Variants in NSD3 observed in about 807,000 individuals in gnomAD.
NSD3 encodes histone-lysine N-methyltransferase NSD3.
In NSD3, 24 loss-of-function variants were observed where a neutral mutation model predicts 160.8. The ratio of observed to expected loss-of-function variants is 0.15; its 90% CI spans 0.11 to 0.21. The LOEUF (loss-of-function observed/expected upper bound fraction) is 0.21, where lower values mean the gene tolerates loss of function less well. Among genes scored for constraint, NSD3 ranks in the 10% least tolerant of loss-of-function variants. The pLI is 1.00. For synonymous variants in NSD3, 520 were observed against 600.0 expected (o/e 0.87, Z 1.95); for missense variants, 1,157 against 1,735.9 (o/e 0.67, Z 5.93).
chr8:38,365,527 C>T (rs1811085408), intron 1 of NSD3, among the ~76,000 whole-genome samples: 1 of 152,210 alleles, frequency 6.6e-6, no homozygotes, highest in African/African-American at 2.4e-5. Context: ...AGCTGGAGTA[C>T]ACTAGCACGA....
chr8:38,295,876 G>A lies in NSD3; in HGVS notation c.2835C>T (p.Gly945=), dbSNP rs1241851727. 6.2e-7 allele frequency: 1 copy of A among 1,614,080 alleles called. No homozygotes were observed. The highest frequency in any genetic ancestry group is 8.5e-7 in the Non-Finnish European group (1 of 1,180,012). The change falls in exon 16 of 24, where the codon GGC becomes GGT. Residue 945 remains glycine, a synonymous_variant. Coordinates refer to ENST00000317025, the MANE Select transcript of NSD3 (RefSeq NM_023034.2). The part of the protein sequence containing the change: ...PECLSIEMPE[G]CWNCNDCKAG... ...CTTTACAGTCATTACAATTCCAGCA[G>A]CCTTCTGGCATTTCTATGCTTAGGC...
At chr8:38,346,388 A>AATATATATTGTATATATGTATATATGT (rs1563363314) in intron 2 of NSD3, among the ~76,000 whole-genome samples, 1 of 147,564 alleles carries the variant, frequency 6.8e-6, no homozygotes, top group Non-Finnish European at 1.5e-5. Flanking sequence ...TGTATATATA[A>AATATATATTGTATATATGTATATATGT]ATATATATTG....
At chr8:38,304,284 G>C (rs971097100) in intron 14 of NSD3, among the ~76,000 whole-genome samples, 4 of 152,204 alleles carry the variant, frequency 2.6e-5, no homozygotes, top group African/African-American at 9.6e-5. Context: ...GAAGGGAAAA[G>C]ATTAATCTTT....
At position 38,316,335 on chromosome 8, in the gene NSD3, T is replaced by C. The variant is rs573882432; in HGVS notation, c.1856-293A>G. 14 of 1,081,498 alleles carry C rather than the reference T, an allele frequency of 1.3e-5. No individual in the cohort carries two copies. The highest frequency in any genetic ancestry group is 9.8e-5 in the African/African-American group (6 of 61,412). 67.0% of individuals were successfully genotyped at this position (1,081,498 alleles called of 1,614,324 possible). The stretch of plus-strand genomic sequence containing the variant: ...AACCTAAAAATCAATTCTATGAAAA[T>C]TGCAGGATAGCTGATGGATTTGGAG... On this transcript the variant is annotated intron_variant, in intron 9 of 23. Transcript: ENST00000317025. This position sits in a 1 kb window ranked among gnomAD's most constrained non-coding sequence, Gnocchi z 4.5.
At chr8:38,306,483 T>TA (rs1809396015) in intron 12 of NSD3, among the ~76,000 whole-genome samples, 3 of 151,086 alleles carry the variant, frequency 2.0e-5, no homozygotes, top group Non-Finnish European at 4.4e-5. Context: ...AGGAGGAAAA[T>TA]AATGCCAAAT....
At chr8:38,377,239 G>C (rs1200206690) in intron 1 of NSD3, among the ~76,000 whole-genome samples, 1 of 143,994 alleles carries the variant, frequency 6.9e-6, no homozygotes, top group Non-Finnish European at 1.6e-5. Context: ...TTTTAGTAGA[G>C]ACGGGAGTTT....
At chr8:38,292,184 C>A (rs1433163685) in intron 16 of NSD3, among the ~76,000 whole-genome samples, 1 of 152,160 alleles carries the variant, frequency 6.6e-6, no homozygotes, top group Non-Finnish European at 1.5e-5. Flanking sequence ...ACTGTGCACC[C>A]TTCTCCATGC....
chr8:38,376,003 TTAAA>T (rs1210113940), intron 1 of NSD3, among the ~76,000 whole-genome samples: 5 of 151,960 alleles, frequency 3.3e-5, no homozygotes, highest in African/African-American at 4.8e-5. Flanking sequence ...AAAAAAAAAA[TTAAA>T]TAAAGTAAGC....
chr8:38,378,917 T>G (rs984016742), intron 1 of NSD3, among the ~76,000 whole-genome samples: 1 of 151,904 alleles, frequency 6.6e-6, no homozygotes, highest in African/African-American at 2.4e-5. Context: ...TAGCACAGTG[T>G]GAGGACAACT....
intron 19 of NSD3, among the ~76,000 whole-genome samples, chr8:38,285,062 A>G (rs758215204): frequency 2.6e-5 from 4 of 152,232 alleles, no homozygotes; most frequent in African/African-American, 4.8e-5. Flanking sequence ...TCATTAACTT[A>G]AAAAATGCTA....
At chr8:38,296,751 A>G (rs926053435) in intron 15 of NSD3, among the ~76,000 whole-genome samples, 3 of 151,758 alleles carry the variant, frequency 2.0e-5, no homozygotes, top group African/African-American at 7.3e-5. Context: ...ATACATATAC[A>G]GAGAATATAT....
intron 4 of NSD3, among the ~76,000 whole-genome samples, chr8:38,331,787 C>T (rs569442537): frequency 6.6e-6 from 1 of 152,318 alleles, no homozygotes; most frequent in African/African-American, 2.4e-5. Context: ...TTGATTGCAC[C>T]ACTGCACTCC....
Position 38,289,484 on chromosome 8 carries a change from C to T in NSD3, c.3140G>A (p.Arg1047His). 1 of 1,613,356 alleles carries T rather than the reference C, an allele frequency of 6.2e-7. No homozygotes were observed. Residue 1047 changes from arginine to histidine, a missense_variant, in exon 18 of 24, where the codon CGT becomes CAT. By Grantham distance (29) the Arg-to-His change is conservative (BLOSUM62 0). Around this residue, in one of 10 missense-constraint regions of NSD3, gnomAD observed 437 missense variants for 576.6 expected, o/e 0.76. Transcript: ENST00000317025. ...TCTTTGTGCTTTCAATTCCTGGAAA[C>T]GTTTTGCAGCTTCTTCCAGTGCTGC... ...FKKALEEAAK[R>H]FQELKAQRES... is the part of the protein sequence containing the mutation.
At chr8:38,362,436 C>T (rs1810998994) in intron 1 of NSD3, among the ~76,000 whole-genome samples, 2 of 151,946 alleles carry the variant, frequency 1.3e-5, no homozygotes, top group African/African-American at 4.8e-5. Flanking sequence ...TAACGTCACT[C>T]AGAGGAAAAC....
intron 3 of NSD3, 152 bp downstream of exon 3, chr8:38,338,384 T>A: frequency 3.6e-6 from 2 of 548,494 alleles, no homozygotes; most frequent in Non-Finnish European, 6.5e-6. Flanking sequence ...TCACTGAAAA[T>A]ATCCACCTAT....
intron 1 of NSD3, among the ~76,000 whole-genome samples, chr8:38,356,039 C>T (rs1810815780): frequency 6.6e-6 from 1 of 152,206 alleles, no homozygotes; most frequent in Non-Finnish European, 1.5e-5. Flanking sequence ...AACCTCACTT[C>T]ACCCTTCTCC....
Position 38,376,296 on chromosome 8 carries a change from A to T in NSD3, c.-45+5503T>A, listed in dbSNP as rs1307792983. On this transcript the variant is annotated intron_variant, in intron 1 of 23. Transcript: ENST00000317025. ...AATATTTTATGCATATATGTTCACAACATGGTGAATAAAATATGAAAAAAT... is the reference window on the plus strand; with the variant it reads ...AATATTTTATGCATATATGTTCACATCATGGTGAATAAAATATGAAAAAAT... Among the ~76,000 whole-genome samples, 9 of 152,214 alleles carry T rather than the reference A, an allele frequency of 5.9e-5. No individual in the cohort carries two copies. In the East Asian group the frequency reaches 1.7e-3, roughly 29 times the overall value.
At chr8:38,343,531 C>CATCT (rs1810432288) in intron 2 of NSD3, among the ~76,000 whole-genome samples, 1 of 152,042 alleles carries the variant, frequency 6.6e-6, no homozygotes, top group African/African-American at 2.4e-5. Context: ...AATGAAACCC[C>CATCT]ATCTCTACTA....
rs1808483072 is a variant in NSD3 at position 38,271,540 on chromosome 8, T to G, written c.*4101A>C. The G allele has an allele frequency of 6.6e-6, 1 of 152,198 alleles. No homozygotes were observed. Among genetic ancestry groups the G allele is most frequent in the South Asian group, 2.1e-4 (1 of 4,832 alleles). 9.4% of individuals were successfully genotyped at this position (152,198 alleles called of 1,614,324 possible). The stretch of plus-strand genomic sequence containing the variant: ...AATTCATTGCAAAGCTGTCTAATTA[T>G]AGTATTCCCTAGTCCATCTGAAAAT... On this transcript the variant is annotated 3_prime_UTR_variant, in exon 24 of 24. Transcript: ENST00000317025.
Sources: allele counts gnomAD v4.1 joint callset (sites outside exome capture counted in the v4.1 genomes callset), GRCh38; gene constraint gnomAD v4.1.1; regional missense constraint gnomAD v4.1.1; non-coding constraint Gnocchi (gnomAD v3.1); transcripts MANE v1.5; gene names NCBI Gene and HGNC (gene_info 2026-07-23, HGNC 2026-07-21).